The following ITSN2 variants were observed in gnomAD, a reference collection of about 807,000 sequenced individuals.
ITSN2 encodes intersectin 2.
Under a neutral mutation model 243.7 loss-of-function variants are expected in ITSN2, and 156 were observed. The ratio of observed to expected loss-of-function variants is 0.64; its 90% confidence interval spans 0.56 to 0.73. The LOEUF is 0.73. ITSN2 is among the 30% of genes least tolerant of loss of function. The pLI, the probability that ITSN2 is intolerant of heterozygous loss-of-function variation, is 0.00. For synonymous variants in ITSN2, 703 were observed against 699.9 expected, an observed-to-expected ratio of 1.00 and a Z score of -0.07; for missense variants, 1,801 against 1,996.1, an observed-to-expected ratio of 0.90 and a Z score of 1.86.
At chr2:24,355,464 C>T (rs1369211177) in intron 1 of ITSN2, among the ~76,000 whole-genome samples, 4 of 152,110 alleles carry the variant, frequency 2.6e-5, no homozygotes, top group Non-Finnish European at 5.9e-5. Context: ...ACAAACAAGA[C>T]AAAAACAAGC....
At chr2:24,316,661 C>A (rs1005620215) in intron 2 of ITSN2, among the ~76,000 whole-genome samples, 1 of 152,166 alleles carries the variant, frequency 6.6e-6, no homozygotes, top group East Asian at 1.9e-4. Flanking sequence ...TCCTATATAC[C>A]TTTCACCCAA....
chr2:24,291,738 T>C (rs558717920), intron 15 of ITSN2, among the ~76,000 whole-genome samples: 1 of 152,200 alleles, frequency 6.6e-6, no homozygotes, highest in African/African-American at 2.4e-5. Flanking sequence ...TCCGCCTGCC[T>C]TGGCCTCCCA....
chr2:24,316,560 C>T (rs567590156), intron 2 of ITSN2, among the ~76,000 whole-genome samples: 6 of 152,318 alleles, frequency 3.9e-5, no homozygotes, highest in Non-Finnish European at 7.3e-5. Flanking sequence ...GGATTACAGG[C>T]GTAAGCCACC....
At chr2:24,307,206 A>G (rs1682664774) in intron 8 of ITSN2, among the ~76,000 whole-genome samples, 1 of 152,242 alleles carries the variant, frequency 6.6e-6, no homozygotes, top group African/African-American at 2.4e-5. Context: ...GTTCAATACC[A>G]TATTTCACAG....
chr2:24,287,498 A>G (rs1196072928), intron 15 of ITSN2, among the ~76,000 whole-genome samples: 1 of 152,156 alleles, frequency 6.6e-6, no homozygotes, highest in Non-Finnish European at 1.5e-5. Context: ...TGCATTTAGC[A>G]TAAGGGAGCG....
At chr2:24,308,374 A>G (rs372591659) in intron 8 of ITSN2, among the ~76,000 whole-genome samples, 6 of 152,224 alleles carry the variant, frequency 3.9e-5, no homozygotes, top group South Asian at 2.1e-4. Context: ...TCTTTTGCCA[A>G]AAAGTTGGGG....
chr2:24,207,695 A>G (rs1669046435), intron 37 of ITSN2, among the ~76,000 whole-genome samples: 1 of 151,938 alleles, frequency 6.6e-6, no homozygotes, highest in Admixed American at 6.5e-5. Flanking sequence ...CTGAGCCACT[A>G]ACTAGGCCAC....
Position 24,204,067 on chromosome 2 carries a change from C to T in ITSN2, c.4936+178G>A. On this transcript the variant is annotated intron_variant, in intron 39 of 39. Transcript: ENST00000355123. The surrounding 1 kb of genome is among the most constrained non-coding windows in gnomAD (Gnocchi z 5.1). The stretch of plus-strand genomic sequence containing the variant: ...TGGGTCAAAGACCTGAAACACATCT[C>T]AGGCCACCTCCTCCCCTGAGGAAGG... 1 of 661,268 alleles carries T rather than the reference C, an allele frequency of 1.5e-6. No individual in the cohort carries two copies. Among genetic ancestry groups the T allele is most frequent in the East Asian group, 2.7e-5 (1 of 36,750 alleles). 41.0% of individuals were successfully genotyped at this position (661,268 alleles called of 1,614,324 possible). A position where few individuals can be genotyped will look rare whatever the true frequency, so the allele number is the denominator to read the frequency against.
chr2:24,321,012 G>C (rs764359690), intron 2 of ITSN2, among the ~76,000 whole-genome samples: 9 of 152,188 alleles, frequency 5.9e-5, no homozygotes, highest in Non-Finnish European at 8.8e-5. Context: ...AAATTTGCTA[G>C]AAGTCAAGAC....
At chr2:24,333,759 C>T (rs189206221) in intron 1 of ITSN2, among the ~76,000 whole-genome samples, 46 of 152,194 alleles carry the variant, frequency 3.0e-4, no homozygotes, top group African/African-American at 1.0e-3. Context: ...AAAATATACT[C>T]ACACTAAGAC....
chr2:24,330,326 A>C (rs1237274319), intron 1 of ITSN2: 1 of 455,322 alleles, frequency 2.2e-6, no homozygotes, highest in Non-Finnish European at 4.2e-6. Flanking sequence ...GCGAGAACGA[A>C]CCCCGGACTG....
At chr2:24,206,427 G>A (rs1298418473) in intron 37 of ITSN2, among the ~76,000 whole-genome samples, 2 of 152,126 alleles carry the variant, frequency 1.3e-5, no homozygotes, top group East Asian at 3.9e-4. Context: ...GATGCAGCTG[G>A]CTCAGAGCAC....
intron 20 of ITSN2, among the ~76,000 whole-genome samples, chr2:24,269,138 C>T (rs944646889): frequency 3.3e-5 from 5 of 151,650 alleles, no homozygotes; most frequent in Non-Finnish European, 7.4e-5. Context: ...CCATGTTTCT[C>T]AGGAACTGCA....
At chr2:24,284,671 G>C (rs1679236330) in intron 17 of ITSN2, 92 bp downstream of exon 17, 2 of 754,742 alleles carry the variant, frequency 2.6e-6, no homozygotes, top group Non-Finnish European at 4.6e-6. Context: ...TTCAAACAAA[G>C]ATACTCAGAT....
At chr2:24,338,556 A>G (rs979225809) in intron 1 of ITSN2, among the ~76,000 whole-genome samples, 4 of 152,258 alleles carry the variant, frequency 2.6e-5, no homozygotes, top group Non-Finnish European at 5.9e-5. Flanking sequence ...CGACATGAGA[A>G]GAGCTGGAGC....
chr2:24,301,576 A>G (rs1210966773), intron 10 of ITSN2, among the ~76,000 whole-genome samples: 1 of 150,248 alleles, frequency 6.7e-6, no homozygotes, highest in Non-Finnish European at 1.5e-5. Flanking sequence ...CCCAGGCTAG[A>G]GTGCTGTGGC....
intron 1 of ITSN2, among the ~76,000 whole-genome samples, chr2:24,347,731 T>C (rs1464533330): frequency 6.6e-6 from 1 of 152,052 alleles, no homozygotes; most frequent in African/African-American, 2.4e-5. Flanking sequence ...GGTTTTCTTT[T>C]TTTTTTAATC....
chr2:24,330,695 C>A, intron 1 of ITSN2: 1 of 691,638 alleles, frequency 1.4e-6, no homozygotes, highest in Non-Finnish European at 2.7e-6. Flanking sequence ...TTTTTTATAA[C>A]TGTGTACTTC....
At chr2:24,310,777 C>CAG in intron 5 of ITSN2, 85 bp from the exon 6 acceptor site, 5 of 1,050,290 alleles carry the variant, frequency 4.8e-6, no homozygotes, top group Non-Finnish European at 7.1e-6. Context: ...GTACAGTGGG[C>CAG]AGACTCTATG....
Sources: gnomAD v4.1 joint callset for allele counts (sites outside exome capture counted in the v4.1 genomes callset) on GRCh38, gnomAD v4.1.1 for gene constraint, Gnocchi (gnomAD v3.1) non-coding constraint, MANE v1.5 for transcripts, NCBI Gene and HGNC (gene_info 2026-07-23, HGNC 2026-07-21) for gene names.